Variants in TLR5 observed in about 807,000 individuals in gnomAD.
TLR5 encodes toll-like receptor 5.
For synonymous variants in TLR5, 373 were observed against 384.4 expected, an observed-to-expected ratio of 0.97 and a Z score of 0.35; for missense variants, 944 against 999.8, an observed-to-expected ratio of 0.94 and a Z score of 0.75.
In TLR5 at chr1:223,136,607, G is replaced by A. The variant is rs181142557; in HGVS notation, c.-353+571C>T. Among the ~76,000 whole-genome samples, 11 of 152,284 alleles carry A rather than the reference G, an allele frequency of 7.2e-5. No homozygotes were observed. The South Asian group carries it at 1.9e-3, about 26-fold the overall frequency. On this transcript the variant is annotated intron_variant, in intron 3 of 5. Transcript: ENST00000642603. ...CCAGTTATATCTCTGACCAAGATGA[G>A]GAGGAATCTCAGACCCCAGAAACTC...
At chr1:223,128,783 A>G (rs1657275400) in intron 5 of TLR5, 1 of 152,132 alleles carries the variant, frequency 6.6e-6, no homozygotes. Context: ...CCTCTGAATG[A>G]CTGCTGTCCA....
At position 223,111,511 on chromosome 1, in the gene TLR5, C is replaced by A; in HGVS notation, c.1521G>T (p.Leu507=). 1 of 1,614,122 alleles carries A rather than the reference C, an allele frequency of 6.2e-7. No individual in the cohort carries two copies. The highest frequency in any genetic ancestry group is 8.5e-7 in the Non-Finnish European group (1 of 1,180,026). ...VFEGLSHLQV[L]YLNHNYLNSL... is the part of the protein sequence containing the mutation. ...AATTAAGATAGTTATGATTCAAATA[C>A]AGAACTTGAAGATGAGAAAGTCCCT... The change falls in exon 6 of 6, where the codon CTG becomes CTT. Residue 507 remains leucine, a synonymous_variant. Coordinates refer to ENST00000642603, the MANE Select transcript of TLR5 (RefSeq NM_003268.6).
At chr1:223,115,490 A>G (rs1402253185) in intron 5 of TLR5, among the ~76,000 whole-genome samples, 1 of 152,142 alleles carries the variant, frequency 6.6e-6, no homozygotes, top group Non-Finnish European at 1.5e-5. Flanking sequence ...ACCTCAAGTG[A>G]TCCACCGGCC....
chr1:223,116,574 C>G (rs909768812), intron 5 of TLR5, among the ~76,000 whole-genome samples: 1 of 152,134 alleles, frequency 6.6e-6, no homozygotes, highest in African/African-American at 2.4e-5. Context: ...AACAAACCTT[C>G]CACGGTGTGA....
intron 5 of TLR5, among the ~76,000 whole-genome samples, chr1:223,119,978 T>TAAATAAAATAAAATAAAATAAAATAAATA (rs1656868726): frequency 9.6e-5 from 4 of 41,630 alleles, no homozygotes; most frequent in African/African-American, 5.4e-4. Flanking sequence ...TAAAATAAAA[T>TAAATAAAATAAAATAAAATAAAATAAATA]AAATAAAATA....
At position 223,131,957 on chromosome 1, in the gene TLR5, C is replaced by T. The variant is rs149347939; in HGVS notation, c.-5+518G>A. ...TGGCATTTTTATTATATTATGCCTT[C>T]TCCACTAGATTGTAAGTCTTGAGGG... On this transcript the variant is annotated intron_variant, in intron 5 of 5. Coordinates refer to ENST00000642603, the MANE Select transcript of TLR5 (RefSeq NM_003268.6). This position sits in a 1 kb window ranked among gnomAD's most constrained non-coding sequence, Gnocchi z 4.2. 2.0e-5 allele frequency among the ~76,000 whole-genome samples: 3 copies of T among 152,168 alleles called. No homozygotes were observed. Among genetic ancestry groups the T allele is most frequent in the African/African-American group, 7.2e-5 (3 of 41,520 alleles).
chr1:223,116,592 C>G (rs1187486069), intron 5 of TLR5, among the ~76,000 whole-genome samples: 2 of 152,192 alleles, frequency 1.3e-5, no homozygotes, highest in Non-Finnish European at 2.9e-5. Context: ...TGAAAGACGA[C>G]CGCAGTGGGC....
intron 2 of TLR5, chr1:223,141,401 T>G (rs1234910217): frequency 6.6e-6 from 1 of 152,110 alleles, no homozygotes; most frequent in African/African-American, 2.4e-5. Context: ...TCCTCTGCCA[T>G]CATTTTGGAA....
chr1:223,111,120 G>A lies in TLR5; in HGVS notation c.1912C>T (p.Leu638=). 1 of 1,614,184 alleles carries A rather than the reference G, an allele frequency of 6.2e-7. No homozygotes were observed. The highest frequency in any genetic ancestry group is 8.5e-7 in the Non-Finnish European group (1 of 1,180,034). ...CATACAATGAAAAGGGAGAACTTTA[G>A]GGACTTTAAGACTTCCTCTTCATCA... ...GCDEEEVLKS[L]KFSLFIVCTV... Residue 638 remains leucine, a synonymous_variant, in exon 6 of 6, where the codon CTA becomes TTA. Coordinates refer to ENST00000642603, the MANE Select transcript of TLR5 (RefSeq NM_003268.6).
chr1:223,112,371 T>A lies in TLR5; in HGVS notation c.661A>T (p.Asn221Tyr). ...TCCAGCACCATGTTTCTGAATGGGT[T>A]CATACATTTTCCCCAGTCCACTGAG... The part of the protein sequence containing the change: ...RVSVDWGKCM[N>Y]PFRNMVLEIL... The change falls in exon 6 of 6, where the codon AAC becomes TAC. Residue 221 changes from asparagine to tyrosine, a missense_variant. Coordinates refer to ENST00000642603, the MANE Select transcript of TLR5 (RefSeq NM_003268.6). The A allele has an allele frequency of 6.2e-7, 1 of 1,614,252 alleles. No homozygotes were observed. The highest frequency in any genetic ancestry group is 8.5e-7 in the Non-Finnish European group (1 of 1,180,046).
chr1:223,136,636 A>G (rs1420549236), intron 3 of TLR5, among the ~76,000 whole-genome samples: 1 of 152,170 alleles, frequency 6.6e-6, no homozygotes. Flanking sequence ...GAAACTCAGG[A>G]CTAAAAGTGA....
intron 1 of TLR5, 43 bp from the exon 2 acceptor site, chr1:223,141,806 T>G (rs1483212799): frequency 3.3e-5 from 3 of 89,566 alleles, no homozygotes; most frequent in African/African-American, 1.4e-4. Flanking sequence ...TATATATATA[T>G]ATATATATAT....
chr1:223,110,352 GAAAA>G lies in TLR5; in HGVS notation c.*99_*102del, dbSNP rs533301769. On this transcript the variant is annotated 3_prime_UTR_variant, in exon 6 of 6. Transcript: ENST00000642603. The stretch of plus-strand genomic sequence containing the variant: ...TATGTTGTTTTCATAGTAGCAAAAA[GAAAA>G]AAAAAACCTCCAGAGAGGACCCCAA... The G allele has an allele frequency of 1.8e-6, 2 of 1,129,038 alleles. No individual in the cohort carries two copies. The highest frequency in any genetic ancestry group is 2.5e-6 in the Non-Finnish European group (2 of 799,512). 69.9% of individuals were successfully genotyped at this position (1,129,038 alleles called of 1,614,324 possible). A position where few individuals can be genotyped will look rare whatever the true frequency, so the allele number is the denominator to read the frequency against.
rs1244672115 is a variant in TLR5, at chr1:223,111,027, TAAAAC to T, written c.2000_2004del (p.Cys667TyrfsTer4). The T allele has an allele frequency of 2.5e-6, 4 of 1,614,058 alleles. No homozygotes were observed. The African/African-American group carries it at 5.3e-5, about 22-fold the overall frequency. On this transcript the variant is annotated frameshift_variant, in exon 6 of 6. Coordinates refer to ENST00000642603, the MANE Select transcript of TLR5 (RefSeq NM_003268.6). LOFTEE classifies it low-confidence loss of function (END_TRUNC). ...AGTCTCTGGGCTGTCTTATAACAGA[TAAAAC>T]AGAAGCCCCGGAACTTTGTGACTGT...
Position 223,117,066 on chromosome 1 carries a change from C to T in TLR5, c.-4-4031G>A, listed in dbSNP as rs566119556. On this transcript the variant is annotated intron_variant, in intron 5 of 5. Transcript: ENST00000642603. ...CGTGAGAGCCCACCACAGGGGGACT[C>T]GGGTATGGCGGGCTGCAGGTCCCGA... 5.3e-5 allele frequency among the ~76,000 whole-genome samples: 8 copies of T among 152,240 alleles called. No homozygotes were observed. In the South Asian group the frequency reaches 1.0e-3, roughly 20 times the overall value.
chr1:223,121,203 A>T (rs1223323670), intron 5 of TLR5, among the ~76,000 whole-genome samples: 1 of 152,240 alleles, frequency 6.6e-6, no homozygotes, highest in Non-Finnish European at 1.5e-5. Context: ...GCACATAAGC[A>T]TTCACACATT....
At chr1:223,114,032 G>A (rs1656503378) in intron 5 of TLR5, among the ~76,000 whole-genome samples, 1 of 152,058 alleles carries the variant, frequency 6.6e-6, no homozygotes, top group Non-Finnish European at 1.5e-5. Context: ...GCAGAAATTG[G>A]GCACTTTCTG....
rs779225599 is a variant in TLR5, at chr1:223,111,300, G to C, written c.1732C>G (p.His578Asp). ...FVSLSVLDIT[H>D]NKFICECELS... ...TCACATTCACAAATGAACTTGTTATGAGTTATATCCAAGACACTAAGTGAT... is the reference window on the plus strand; with the variant it reads ...TCACATTCACAAATGAACTTGTTATCAGTTATATCCAAGACACTAAGTGAT... The change falls in exon 6 of 6, where the codon CAT (histidine) becomes GAT (aspartate). Residue 578 changes from histidine to aspartate, a missense_variant. By Grantham distance (81) the His-to-Asp change is moderately conservative. Transcript: ENST00000642603. The C allele has an allele frequency of 4.3e-6, 7 of 1,614,012 alleles. No homozygotes were observed. Among genetic ancestry groups the C allele is most frequent in the Admixed American group, 1.7e-5 (1 of 59,990 alleles).
rs761853940 is a variant in TLR5, at chr1:223,112,085, A to T, written c.947T>A (p.Val316Asp). Residue 316 changes from valine to aspartate, a missense_variant, in exon 6 of 6, where the codon GTT becomes GAT. By Grantham distance (152) the Val-to-Asp change is radical. Transcript: ENST00000642603. ...RVFETLKDLK[V>D]LNLAYNKINK... ...TATCTTGTTGTAGGCAAGGTTCAGA[A>T]CCTTCAAATCCTTGAGTGTCTCAAA... 8 of 1,614,108 alleles carry T rather than the reference A, an allele frequency of 5.0e-6. No individual in the cohort carries two copies. Among genetic ancestry groups the T allele is most frequent in the African/African-American group, 2.7e-5 (2 of 74,942 alleles).
Sources: gnomAD v4.1 joint callset for allele counts (sites outside exome capture counted in the v4.1 genomes callset) on GRCh38, gnomAD v4.1.1 for gene constraint, Gnocchi (gnomAD v3.1) non-coding constraint, MANE v1.5 for transcripts, NCBI Gene and HGNC (gene_info 2026-07-23, HGNC 2026-07-21) for gene names.